Variants in CNTN6 observed in about 807,000 individuals in gnomAD.
CNTN6 encodes the protein contactin 6.
CNTN6 carries 137 observed loss-of-function variants against 122.8 expected under a neutral mutation model. The observed-to-expected ratio is 1.12, with a 90% CI of 0.97 to 1.29. CNTN6 has a LOEUF of 1.29. Ranked by LOEUF, CNTN6 falls within the 50% of genes most tolerant of loss-of-function variation. CNTN6 has a pLI of 0.00. For synonymous variants in CNTN6, 570 were observed against 426.0 expected (o/e 1.34, Z -4.16); for missense variants, 1,634 against 1,223.4 (o/e 1.34, Z -5.01).
chr3:1,322,822 A>T (rs1421907586), intron 8 of CNTN6, among the ~76,000 whole-genome samples: 1 of 151,682 alleles, frequency 6.6e-6, no homozygotes, highest in Non-Finnish European at 1.5e-5. Flanking sequence ...TATATAGAAT[A>T]TAATTTTCTA....
At chr3:1,143,867 A>G (rs2092667849) in intron 1 of CNTN6, among the ~76,000 whole-genome samples, 1 of 152,234 alleles carries the variant, frequency 6.6e-6, no homozygotes, top group Non-Finnish European at 1.5e-5. Flanking sequence ...TTAGAATATT[A>G]GAGCTGGAAG....
At chr3:1,309,789 G>T (rs866393624) in intron 7 of CNTN6, among the ~76,000 whole-genome samples, 4 of 152,062 alleles carry the variant, frequency 2.6e-5, no homozygotes, top group African/African-American at 9.7e-5. Context: ...CGCTTATTTC[G>T]ATCTCTTTTA....
chr3:1,247,022 T>C (rs1445221504), intron 4 of CNTN6, among the ~76,000 whole-genome samples: 3 of 151,470 alleles, frequency 2.0e-5, no homozygotes, highest in Non-Finnish European at 4.4e-5. Flanking sequence ...AAATTTAACA[T>C]AGTTCAATCT....
At chr3:1,289,955 T>G (rs1487030827) in intron 5 of CNTN6, among the ~76,000 whole-genome samples, 1 of 152,168 alleles carries the variant, frequency 6.6e-6, no homozygotes. Flanking sequence ...ATTGCAGGCG[T>G]GAGCCAATGC....
chr3:1,108,187 A>G (rs7648657), intron 1 of CNTN6, among the ~76,000 whole-genome samples: 9,977 of 152,098 alleles, frequency 0.066, 431 homozygotes, highest in Non-Finnish European at 0.089. Context: ...AGACAATGAC[A>G]TATATCAAAC....
chr3:1,372,998 A>G (rs754581204), intron 14 of CNTN6, 43 bp downstream of exon 14: 4 of 1,125,654 alleles, frequency 3.6e-6, no homozygotes, highest in East Asian at 2.4e-5. Flanking sequence ...GTTTCTTCAC[A>G]GTTACAGTGT....
intron 4 of CNTN6, among the ~76,000 whole-genome samples, chr3:1,242,981 A>T (rs1011892459): frequency 6.6e-5 from 10 of 151,958 alleles, no homozygotes; most frequent in Admixed American, 6.6e-4. Context: ...TAAGAAGGGG[A>T]CGGACTTACC....
Position 1,385,638 on chromosome 3 carries a change from G to A in CNTN6, c.2545G>A (p.Glu849Lys). 1 of 1,613,884 alleles carries A rather than the reference G, an allele frequency of 6.2e-7. No individual in the cohort carries two copies. Among genetic ancestry groups the A allele is most frequent in the East Asian group, 2.2e-5 (1 of 44,864 alleles). Residue 849 changes from glutamate to lysine, a missense_variant, in exon 20 of 23, where the codon GAA (glutamate) becomes AAA (lysine). Coordinates refer to ENST00000446702, the MANE Select transcript of CNTN6 (RefSeq NM_001289080.2). ...EVLYWTDDSK[E>K]SMIGKIRVSG... ...CTTATACTGGACAGATGACTCCAAA[G>A]AATCCATGATAGGTAAAATTAGAGT...
At chr3:1,292,535 A>G (rs1038581126) in intron 5 of CNTN6, among the ~76,000 whole-genome samples, 2 of 152,182 alleles carry the variant, frequency 1.3e-5, no homozygotes, top group African/African-American at 4.8e-5. Flanking sequence ...ATTGCTAAGA[A>G]TTGAGTTAGC....
At chr3:1,214,453 C>T (rs1575268521) in intron 2 of CNTN6, among the ~76,000 whole-genome samples, 1 of 151,084 alleles carries the variant, frequency 6.6e-6, no homozygotes, top group South Asian at 2.1e-4. Flanking sequence ...GGATTACAGG[C>T]GCCCACCACC....
At chr3:1,233,114 A>C (rs1266171112) in intron 4 of CNTN6, among the ~76,000 whole-genome samples, 1 of 152,172 alleles carries the variant, frequency 6.6e-6, no homozygotes, top group Admixed American at 6.5e-5. Context: ...CAATAGGATA[A>C]TTTAGAGATA....
chr3:1,268,594 G>T (rs113195050), intron 4 of CNTN6, among the ~76,000 whole-genome samples: 1 of 130,948 alleles, frequency 7.6e-6, no homozygotes, highest in African/African-American at 3.1e-5. Context: ...GCGACAGAGC[G>T]AGACTCCGTC....
intron 10 of CNTN6, among the ~76,000 whole-genome samples, 187 bp from the exon 11 acceptor site, chr3:1,329,598 T>A (rs570262401): frequency 5.3e-5 from 8 of 151,934 alleles, no homozygotes; most frequent in Non-Finnish European, 8.8e-5. Flanking sequence ...TCATCTTCAT[T>A]TTACAAACAA....
intron 12 of CNTN6, among the ~76,000 whole-genome samples, chr3:1,365,015 T>G (rs536685235): frequency 1.2e-4 from 18 of 152,146 alleles, no homozygotes; most frequent in Non-Finnish European, 2.1e-4. Flanking sequence ...TCTTATGATT[T>G]CAGAAAGTGA....
At chr3:1,326,906 C>G (rs1701619033) in intron 9 of CNTN6, among the ~76,000 whole-genome samples, 1 of 151,866 alleles carries the variant, frequency 6.6e-6, no homozygotes, top group Non-Finnish European at 1.5e-5. Context: ...ACTATGTGCA[C>G]TCAAAATTGT....
chr3:1,184,694 T>G (rs1055556205), intron 2 of CNTN6, among the ~76,000 whole-genome samples: 5 of 152,184 alleles, frequency 3.3e-5, no homozygotes, highest in African/African-American at 1.2e-4. Flanking sequence ...ACTCTCAATA[T>G]GGACATCTGA....
rs1696051587 is a variant in CNTN6, at chr3:1,404,160, C to T, written c.*742C>T. ...ATGAACAAATCTCAGGTAATTATGA[C>T]AAGTTGATTGCAATGTATGTGGCCT... On this transcript the variant is annotated 3_prime_UTR_variant, in exon 23 of 23. Transcript: ENST00000446702. 6.6e-6 allele frequency: 1 copy of T among 152,116 alleles called. No homozygotes were observed. The highest frequency in any genetic ancestry group is 1.5e-5 in the Non-Finnish European group (1 of 68,030). 9.4% of individuals were successfully genotyped at this position (152,116 alleles called of 1,614,324 possible). A position where few individuals can be genotyped will look rare whatever the true frequency, so the allele number is the denominator to read the frequency against.
At chr3:1,116,743 C>T (rs1435505440) in intron 1 of CNTN6, among the ~76,000 whole-genome samples, 8 of 142,760 alleles carry the variant, frequency 5.6e-5, no homozygotes, top group Non-Finnish European at 1.1e-4. Context: ...CTTGCTCTGT[C>T]GCCCAGGCTG....
chr3:1,216,606 C>G (rs115708219), intron 2 of CNTN6, among the ~76,000 whole-genome samples: 2,058 of 152,276 alleles, frequency 0.014, 50 homozygotes, highest in African/African-American at 0.047. Flanking sequence ...ACATAGCATC[C>G]TCCTTTAACA....
Sources: allele counts gnomAD v4.1 joint callset (sites outside exome capture counted in the v4.1 genomes callset), GRCh38; gene constraint gnomAD v4.1.1; transcripts MANE v1.5; gene names NCBI Gene and HGNC (gene_info 2026-07-23, HGNC 2026-07-21).